The following EDDM3A variants were observed in gnomAD, a reference collection of about 807,000 sequenced individuals.
EDDM3A encodes the protein epididymal secretory protein E3-alpha.
For synonymous variants in EDDM3A, 75 were observed against 60.4 expected (o/e 1.24, Z -1.12); for missense variants, 199 against 177.4 (o/e 1.12, Z -0.69).
chr14:20,746,940 T>G (rs1453753232), intron 1 of EDDM3A, among the ~76,000 whole-genome samples: 1 of 152,166 alleles, frequency 6.6e-6, no homozygotes, highest in African/African-American at 2.4e-5. Context: ...GAGAGCTTAT[T>G]TGGTAAAAGA....
upstream of EDDM3A, among the ~76,000 whole-genome samples, chr14:20,741,652 T>C (rs1042105289): frequency 9.2e-5 from 14 of 152,144 alleles, no homozygotes; most frequent in Admixed American, 3.3e-4. Context: ...AAGGGGCCAA[T>C]AATGGGAAAA....
chr14:20,748,064 G>A lies in EDDM3A; in HGVS notation c.*40G>A. On this transcript the variant is annotated 3_prime_UTR_variant, in exon 2 of 2. Coordinates refer to ENST00000326842, the MANE Select transcript of EDDM3A (RefSeq NM_006683.5). ...TCCTCAGATATTGGTAGAGTATTCA[G>A]TGCTTCCAAAGTGGTGGGCCCTGCC... is the stretch of plus-strand genomic sequence containing the variant. 6.6e-7 allele frequency: 1 copy of A among 1,505,334 alleles called. No homozygotes were observed. The highest frequency in any genetic ancestry group is 9.0e-7 in the Non-Finnish European group (1 of 1,116,952). 93.2% of individuals were successfully genotyped at this position (1,505,334 alleles called of 1,614,324 possible). A position where few individuals can be genotyped will look rare whatever the true frequency, so the allele number is the denominator to read the frequency against.
chr14:20,744,937 C>G (rs1250792395), upstream of EDDM3A, among the ~76,000 whole-genome samples: 2 of 152,184 alleles, frequency 1.3e-5, no homozygotes, highest in Non-Finnish European at 2.9e-5. Context: ...AAGTGATTTT[C>G]TGGCCTGACC....
upstream of EDDM3A, among the ~76,000 whole-genome samples, chr14:20,742,737 C>T (rs1300761798): frequency 6.6e-6 from 1 of 152,016 alleles, no homozygotes; most frequent in Non-Finnish European, 1.5e-5. Context: ...CAGGCACGTG[C>T]TACCACTACT....
upstream of EDDM3A, among the ~76,000 whole-genome samples, chr14:20,744,978 T>A (rs975765598): frequency 9.2e-5 from 14 of 152,192 alleles, no homozygotes; most frequent in Non-Finnish European, 1.9e-4. Flanking sequence ...CCCAGCACTT[T>A]TAGAGGCTGA....
At chr14:20,740,645 G>GT in the EDDM3A span, among the ~76,000 whole-genome samples, 2 of 151,046 alleles carry the variant, frequency 1.3e-5, no homozygotes, top group South Asian at 2.1e-4. Context: ...TCTGAAATCT[G>GT]TTTTTTTGTT....
chr14:20,739,661 T>C, the EDDM3A span, among the ~76,000 whole-genome samples: 1 of 152,240 alleles, frequency 6.6e-6, no homozygotes, highest in East Asian at 1.9e-4. Flanking sequence ...GCCATTCTAA[T>C]AGATGTGTAG....
At chr14:20,738,069 C>A in the EDDM3A span, among the ~76,000 whole-genome samples, 1 of 152,194 alleles carries the variant, frequency 6.6e-6, no homozygotes, top group East Asian at 1.9e-4. Flanking sequence ...CATTGGTCAT[C>A]ATGTTCCAAA....
chr14:20,741,342 T>C (rs1236067971), upstream of EDDM3A, among the ~76,000 whole-genome samples: 1 of 152,184 alleles, frequency 6.6e-6, no homozygotes, highest in African/African-American at 2.4e-5. Context: ...CCAGTGAAAT[T>C]TGCAACAAGT....
Position 20,747,497 on chromosome 14 carries a change from G to T in EDDM3A, c.-26-58G>T, listed in dbSNP as rs1365601376. 11 of 1,109,490 alleles carry T rather than the reference G, an allele frequency of 9.9e-6. No individual in the cohort carries two copies. In the East Asian group the frequency reaches 2.6e-4, roughly 26 times the overall value. The allele number at this position is 1,109,490 out of a possible 1,614,324, so 68.7% of individuals were successfully genotyped here. A position where few individuals can be genotyped will look rare whatever the true frequency, so the allele number is the denominator to read the frequency against. ...GCTTGGCAGGGAAAGGAATTTTAAG[G>T]TGGAGCTCAGCTCTCTGAGTATAGT... On this transcript the variant is annotated intron_variant, in intron 1 of 1. Coordinates refer to ENST00000326842, the MANE Select transcript of EDDM3A (RefSeq NM_006683.5).
upstream of EDDM3A, among the ~76,000 whole-genome samples, chr14:20,743,547 A>T (rs561463835): frequency 9.8e-4 from 141 of 144,372 alleles, no homozygotes; most frequent in Non-Finnish European, 1.6e-3. Flanking sequence ...AAAAATAATA[A>T]TAATAATAAT....
upstream of EDDM3A, among the ~76,000 whole-genome samples, chr14:20,742,812 G>T (rs746426912): frequency 6.6e-5 from 10 of 151,888 alleles, no homozygotes; most frequent in Non-Finnish European, 1.5e-4. Context: ...GACCAGGCTG[G>T]TTTTCAACTC....
At chr14:20,737,025 C>CT in the EDDM3A span, among the ~76,000 whole-genome samples, 2,498 of 149,324 alleles carry the variant, frequency 0.017, 71 homozygotes, top group East Asian at 0.092. Context: ...GAGATGCAGA[C>CT]TTCTTTCTTT....
At chr14:20,738,328 G>C in the EDDM3A span, among the ~76,000 whole-genome samples, 1 of 151,960 alleles carries the variant, frequency 6.6e-6, no homozygotes, top group African/African-American at 2.4e-5. Flanking sequence ...AAAATTAGCC[G>C]GGCGTGGCGA....
At chr14:20,741,295 T>C (rs1877428195), upstream of EDDM3A, among the ~76,000 whole-genome samples, 1 of 152,236 alleles carries the variant, frequency 6.6e-6, no homozygotes, top group African/African-American at 2.4e-5. Context: ...TTAAAGAGGA[T>C]AAACATGACA....
chr14:20,738,087 C>T, the EDDM3A span, among the ~76,000 whole-genome samples: 1 of 152,102 alleles, frequency 6.6e-6, no homozygotes, highest in Non-Finnish European at 1.5e-5. Flanking sequence ...AAATGCAGTT[C>T]CTCAACTTTG....
chr14:20,744,168 C>A (rs1877516259), upstream of EDDM3A, among the ~76,000 whole-genome samples: 1 of 152,150 alleles, frequency 6.6e-6, no homozygotes, highest in South Asian at 2.1e-4. Context: ...AATTCAGAGG[C>A]CCAGAATTGT....
upstream of EDDM3A, among the ~76,000 whole-genome samples, chr14:20,742,924 G>T (rs372537883): frequency 6.6e-6 from 1 of 151,836 alleles, no homozygotes; most frequent in Admixed American, 6.6e-5. Flanking sequence ...GTAGAGATAG[G>T]GTTTCTCCCT....
chr14:20,737,038 T>G, the EDDM3A span, among the ~76,000 whole-genome samples: 1 of 146,646 alleles, frequency 6.8e-6, no homozygotes, highest in Non-Finnish European at 1.5e-5. Context: ...CTTTCTTTTC[T>G]TTTCTTTTCT....
Sources: allele counts gnomAD v4.1 joint callset (sites outside exome capture counted in the v4.1 genomes callset), GRCh38; gene constraint gnomAD v4.1.1; transcripts MANE v1.5; gene names NCBI Gene and HGNC (gene_info 2026-07-23, HGNC 2026-07-21).